The following RMND5A variants were observed in gnomAD, a reference collection of about 807,000 sequenced individuals.
The protein encoded by RMND5A is E3 ubiquitin-protein transferase RMND5A.
RMND5A carries 17 observed loss-of-function variants against 49.7 expected under a neutral mutation model. The ratio of observed to expected loss-of-function variants is 0.34; its 90% confidence interval spans 0.23 to 0.51. The LOEUF (loss-of-function observed/expected upper bound fraction) is 0.51. RMND5A is among the 20% of genes least tolerant of loss of function. The probability of loss-of-function intolerance (pLI) is 0.96; values close to 1 mark genes in which losing one functional copy is unlikely to be tolerated. For synonymous variants in RMND5A, 156 were observed against 167.7 expected (o/e 0.93, Z 0.54); for missense variants, 255 against 471.3 (o/e 0.54, Z 4.25).
chr2:86,768,404 G>A (rs1266017833), intron 6 of RMND5A, among the ~76,000 whole-genome samples: 1 of 152,236 alleles, frequency 6.6e-6, no homozygotes, highest in African/African-American at 2.4e-5. Flanking sequence ...GGAGTGGACA[G>A]ATGCAATTAG....
At position 86,720,972 on chromosome 2, in the gene RMND5A, T is replaced by G. The variant is rs377701571; in HGVS notation, c.142+163T>G. On this transcript the variant is annotated intron_variant, in intron 1 of 8. Coordinates refer to ENST00000283632, the MANE Select transcript of RMND5A (RefSeq NM_022780.4). ...CCCCTGAGACTTTTTCCCCTCTTCG[T>G]CCGATTTACCTCGAACCTGCCGCGA... 50 of 574,650 alleles carry G rather than the reference T, an allele frequency of 8.7e-5. 1 individual carries two copies. Among genetic ancestry groups the G allele is most frequent in the Admixed American group, 2.4e-4 (6 of 25,510 alleles). The allele number at this position is 574,650 out of a possible 1,614,324, so 35.6% of individuals were successfully genotyped here.
chr2:86,742,417 A>C (rs1443988057), intron 2 of RMND5A, among the ~76,000 whole-genome samples: 1 of 150,342 alleles, frequency 6.7e-6, no homozygotes, highest in South Asian at 2.1e-4. Flanking sequence ...CAAGAGAGTG[A>C]ACACAGTTTT....
chr2:86,753,570 G>T lies in RMND5A; in HGVS notation c.521+12G>T. The T allele has an allele frequency of 6.9e-7, 1 of 1,452,516 alleles. No homozygotes were observed. Among genetic ancestry groups the T allele is most frequent in the Non-Finnish European group, 9.5e-7 (1 of 1,049,500 alleles). The allele number at this position is 1,452,516 out of a possible 1,614,324, so 90.0% of individuals were successfully genotyped here. A position where few individuals can be genotyped will look rare whatever the true frequency, so the allele number is the denominator to read the frequency against. Reference sequence around the variant, plus strand: ...AGACCTGCTCTGGAGTGAGTATTGAGTTTGCTTTCTTTTGAGTACTTTGAG... The same window carrying T: ...AGACCTGCTCTGGAGTGAGTATTGATTTTGCTTTCTTTTGAGTACTTTGAG... On this transcript the variant is annotated intron_variant, in intron 4 of 8. Coordinates refer to ENST00000283632, the MANE Select transcript of RMND5A (RefSeq NM_022780.4).
Position 86,776,278 on chromosome 2 carries a change from C to T in RMND5A, c.*2867C>T, listed in dbSNP as rs898196467. On this transcript the variant is annotated 3_prime_UTR_variant, in exon 9 of 9. Transcript: ENST00000283632. ...CTGTTTTATTGGTGATTATACGAGACTTCTAATACATAAATGAACGGGTAT... is the reference window on the plus strand; with the variant it reads ...CTGTTTTATTGGTGATTATACGAGATTTCTAATACATAAATGAACGGGTAT... The T allele has an allele frequency of 6.6e-6, 1 of 152,114 alleles. No individual in the cohort carries two copies. The highest frequency in any genetic ancestry group is 2.4e-5 in the African/African-American group (1 of 41,420). 9.4% of individuals were successfully genotyped at this position (152,114 alleles called of 1,614,324 possible).
At chr2:86,747,326 G>A (rs1352417319) in intron 2 of RMND5A, among the ~76,000 whole-genome samples, 1 of 152,142 alleles carries the variant, frequency 6.6e-6, no homozygotes, top group East Asian at 1.9e-4. Flanking sequence ...TGCATTTCAT[G>A]TTCTGTCCAT....
At chr2:86,751,536 C>A (rs937623644) in intron 2 of RMND5A, among the ~76,000 whole-genome samples, 2 of 152,074 alleles carry the variant, frequency 1.3e-5, no homozygotes, top group Non-Finnish European at 2.9e-5. Context: ...CTCCTTTTTT[C>A]CCCTCCCATT....
intron 4 of RMND5A, among the ~76,000 whole-genome samples, chr2:86,758,779 A>G (rs943404677): frequency 3.9e-5 from 6 of 152,244 alleles, no homozygotes; most frequent in Non-Finnish European, 1.5e-5. Context: ...GAAAATATCT[A>G]AGAAATGAAA....
At chr2:86,756,025 A>G (rs1297215262) in intron 4 of RMND5A, among the ~76,000 whole-genome samples, 3 of 152,182 alleles carry the variant, frequency 2.0e-5, no homozygotes, top group Non-Finnish European at 2.9e-5. Flanking sequence ...AAAAAAAGTC[A>G]AAAGATTATA....
intron 4 of RMND5A, among the ~76,000 whole-genome samples, chr2:86,755,379 C>T (rs1365033331): frequency 6.6e-6 from 1 of 152,226 alleles, no homozygotes; most frequent in Non-Finnish European, 1.5e-5. Context: ...GCGTCAGCTG[C>T]CCGAAGTACT....
At chr2:86,756,562 T>C (rs1455285500) in intron 4 of RMND5A, among the ~76,000 whole-genome samples, 1 of 152,158 alleles carries the variant, frequency 6.6e-6, no homozygotes, top group Non-Finnish European at 1.5e-5. Flanking sequence ...TTAATAGAAA[T>C]CGTCATTACA....
In RMND5A at chr2:86,747,214, G is replaced by T. The variant is rs555020406; in HGVS notation, c.286-4682G>T. On this transcript the variant is annotated intron_variant, in intron 2 of 8. Coordinates refer to ENST00000283632, the MANE Select transcript of RMND5A (RefSeq NM_022780.4). ...ACTTCAAATGTTTAAAGATTAATCA[G>T]ATGGGTGTGAAGTAGTATCTAGTTG... 7.9e-5 allele frequency among the ~76,000 whole-genome samples: 12 copies of T among 152,270 alleles called. No individual in the cohort carries two copies. In the South Asian group the frequency reaches 2.3e-3, roughly 29 times the overall value.
intron 2 of RMND5A, among the ~76,000 whole-genome samples, chr2:86,745,008 A>ATT (rs10707332): frequency 1.3e-5 from 2 of 149,752 alleles, no homozygotes; most frequent in African/African-American, 4.9e-5. Context: ...TTCTGTGACA[A>ATT]TTTTTTTTTT....
intron 4 of RMND5A, 90 bp from the exon 5 acceptor site, chr2:86,764,936 GC>G (rs1465769102): frequency 3.8e-5 from 47 of 1,245,330 alleles, no homozygotes; most frequent in Non-Finnish European, 5.1e-5. Context: ...GGCAGACCAA[GC>G]CCCTTTTTTG....
chr2:86,759,764 T>C lies in RMND5A; in HGVS notation c.522-5263T>C, dbSNP rs182421522. On this transcript the variant is annotated intron_variant, in intron 4 of 8. Transcript: ENST00000283632. Reference sequence around the variant, plus strand: ...GCAGTGAGCCGAGATCACGCCACTGTACTCCAGCCTGGGCAACAGAATGAG... The same window carrying C: ...GCAGTGAGCCGAGATCACGCCACTGCACTCCAGCCTGGGCAACAGAATGAG... Among the ~76,000 whole-genome samples the C allele has an allele frequency of 1.9e-3, 293 of 151,678 alleles. 1 individual carries two copies. Among genetic ancestry groups the C allele is most frequent in the Non-Finnish European group, 2.0e-3 (136 of 67,910 alleles).
At chr2:86,755,753 T>A (rs1878109) in intron 4 of RMND5A, among the ~76,000 whole-genome samples, 100,951 of 152,036 alleles carry the variant, frequency 0.66, 33,726 homozygotes, top group East Asian at 0.91. Flanking sequence ...CTATTATTTG[T>A]TGCCTTAAAA....
intron 8 of RMND5A, among the ~76,000 whole-genome samples, chr2:86,772,723 T>G (rs1672704438): frequency 6.6e-6 from 1 of 151,854 alleles, no homozygotes; most frequent in African/African-American, 2.4e-5. Flanking sequence ...GCTTCCTGAG[T>G]AGCTGGAATT....
chr2:86,766,661 CAAAAAAAAAAAAAA>C (rs59511898), intron 6 of RMND5A, among the ~76,000 whole-genome samples: 1 of 77,018 alleles, frequency 1.3e-5, no homozygotes, highest in Non-Finnish European at 2.7e-5. Context: ...GAGACTGTCT[CAAAAAAAAAAAAAA>C]AAAAAAAGAA....
chr2:86,751,427 C>G (rs374150083), intron 2 of RMND5A, among the ~76,000 whole-genome samples: 1 of 152,114 alleles, frequency 6.6e-6, no homozygotes, highest in East Asian at 1.9e-4. Context: ...AAACCACTCT[C>G]TTAACTAGTT....
At chr2:86,757,824 A>G (rs371286481) in intron 4 of RMND5A, among the ~76,000 whole-genome samples, 3 of 152,222 alleles carry the variant, frequency 2.0e-5, no homozygotes, top group Admixed American at 2.0e-4. Context: ...TTTAAAAACG[A>G]TAAAAACCTG....
Sources: allele counts gnomAD v4.1 joint callset (sites outside exome capture counted in the v4.1 genomes callset), GRCh38; gene constraint gnomAD v4.1.1; transcripts MANE v1.5; gene names NCBI Gene and HGNC (gene_info 2026-07-23, HGNC 2026-07-21).